The following PRH1 variants were observed in gnomAD, a reference collection of about 807,000 sequenced individuals.
PRH1 encodes proline rich protein HaeIII subfamily 1, also known as salivary acidic proline-rich phosphoprotein 1/2.
PRH1 carries 7 observed loss-of-function variants against 7.9 expected under a neutral mutation model. The observed-to-expected ratio is 0.89, with a 90% CI of 0.50 to 1.67. The LOEUF (loss-of-function observed/expected upper bound fraction) is 1.67. Among genes scored for constraint, PRH1 ranks in the 40% most tolerant of loss-of-function variants. PRH1 has a pLI of 0.00. For synonymous variants in PRH1, 45 were observed against 80.8 expected (o/e 0.56, Z 2.38); for missense variants, 109 against 223.6 (o/e 0.49, Z 3.27).
downstream of PRH1, among the ~76,000 whole-genome samples, chr12:11,118,993 C>CAAA (rs3983928): frequency 5.3e-5 from 4 of 75,576 alleles, no homozygotes; most frequent in African/African-American, 1.6e-4. Context: ...GACTCCATCT[C>CAAA]AAAAAAAAAA....
Position 10,882,494 on chromosome 12 carries a change from TGC to T in PRH1, c.303_304del (p.Gln102ThrfsTer88). 28 of 1,289,538 alleles carry T rather than the reference TGC, an allele frequency of 2.2e-5. No homozygotes were observed. The highest frequency in any genetic ancestry group is 9.1e-5 in the East Asian group (2 of 21,904). The allele number at this position is 1,289,538 out of a possible 1,614,324, so 79.9% of individuals were successfully genotyped here. On this transcript the variant is annotated frameshift_variant, in exon 3 of 4. Coordinates refer to ENST00000543626, the MANE Select transcript of PRH1 (RefSeq NM_001393989.1). LOFTEE classifies it low-confidence loss of function (END_TRUNC). ...TCCCTGAGGAGGTGGTGGACCTTGT[TGC>T]TGCTGGCCTCCTTGTTGGGGTGGTC...
At chr12:10,990,941 T>A (rs959955464) in intron 1 of PRH1, among the ~76,000 whole-genome samples, 1 of 152,218 alleles carries the variant, frequency 6.6e-6, no homozygotes, top group East Asian at 1.9e-4. Flanking sequence ...AGGGAAAGGC[T>A]ATAGAAGAAA....
At chr12:11,147,175 T>A (rs185353405) in intron 1 of PRH1, among the ~76,000 whole-genome samples, 2 of 152,336 alleles carry the variant, frequency 1.3e-5, no homozygotes, top group South Asian at 2.1e-4. Context: ...AGTTTATCTA[T>A]GAACATGATA....
At chr12:10,971,973 C>T (rs748315544) in intron 2 of PRH1, among the ~76,000 whole-genome samples, 5 of 151,998 alleles carry the variant, frequency 3.3e-5, no homozygotes, top group Non-Finnish European at 5.9e-5. Flanking sequence ...GTTTCAAATT[C>T]TCATTTGATA....
chr12:11,037,866 C>T (rs1479841074), intron 1 of PRH1, among the ~76,000 whole-genome samples: 1 of 151,262 alleles, frequency 6.6e-6, no homozygotes, highest in Non-Finnish European at 1.5e-5. Flanking sequence ...ATGGCAAAAC[C>T]TTGCCTCTAA....
intron 1 of PRH1, among the ~76,000 whole-genome samples, chr12:11,033,710 C>T (rs1473079812): frequency 6.6e-6 from 1 of 152,138 alleles, no homozygotes; most frequent in African/African-American, 2.4e-5. Context: ...TTTCAACTAT[C>T]TTAGAGTTGT....
chr12:11,026,310 G>A (rs1242971426), intron 1 of PRH1, among the ~76,000 whole-genome samples: 10 of 152,152 alleles, frequency 6.6e-5, no homozygotes. Flanking sequence ...CTGCAGGCAT[G>A]AGCCATCACA....
upstream of PRH1, among the ~76,000 whole-genome samples, chr12:11,048,144 ATATG>A (rs200922758): frequency 1.5e-5 from 2 of 130,162 alleles, no homozygotes; most frequent in Non-Finnish European, 3.5e-5. Flanking sequence ...CCACACACAT[ATATG>A]TGTGTGTGTG....
intron 1 of PRH1, chr12:11,092,091 TTTGG>T: frequency 6.7e-7 from 1 of 1,501,896 alleles, no homozygotes. Context: ...GCAGTGAGAA[TTTGG>T]TCAGCAAAGG....
rs1488497828 is a variant in PRH1, at chr12:11,160,737, T to A, written n.39+10685A>T. ...ATCCTCCTGCCTCAGCCTCCAAAAGTGCTGGGATTACAGGTGTGAGCCACC... is the reference window on the plus strand; with the variant it reads ...ATCCTCCTGCCTCAGCCTCCAAAAGAGCTGGGATTACAGGTGTGAGCCACC... On this transcript the variant is annotated intron_variant and non_coding_transcript_variant, in intron 1 of 1. Coordinates refer to the PRH1 transcript ENST00000541175. 2.0e-5 allele frequency among the ~76,000 whole-genome samples: 3 copies of A among 152,046 alleles called. No individual in the cohort carries two copies. The East Asian group carries it at 5.8e-4, about 29-fold the overall frequency.
At chr12:10,985,304 C>T (rs1939558291) in intron 1 of PRH1, among the ~76,000 whole-genome samples, 1 of 151,830 alleles carries the variant, frequency 6.6e-6, no homozygotes, top group Admixed American at 6.6e-5. Flanking sequence ...TAGACATATA[C>T]AAAATGTGTT....
intron 2 of PRH1, among the ~76,000 whole-genome samples, chr12:10,913,497 T>A (rs1231286540): frequency 6.6e-6 from 1 of 152,174 alleles, no homozygotes; most frequent in African/African-American, 2.4e-5. Context: ...ATGATTACAT[T>A]AGCTTATTTT....
Position 11,139,342 on chromosome 12 carries a change from G to A in PRH1, n.40-18162C>T, listed in dbSNP as rs1340280469. Among the ~76,000 whole-genome samples, 4 of 152,126 alleles carry A rather than the reference G, an allele frequency of 2.6e-5. No homozygotes were observed. In the East Asian group the frequency reaches 5.8e-4, roughly 22 times the overall value. On this transcript the variant is annotated intron_variant and non_coding_transcript_variant, in intron 1 of 1. Coordinates refer to the PRH1 transcript ENST00000541175. ...AGCAATCCAGATACTCCCAATATAC[G>A]TCTTCTTGTTGATATTTCCCTTTTA...
chr12:10,892,083 T>C (rs1284450147), intron 2 of PRH1, among the ~76,000 whole-genome samples: 2 of 152,128 alleles, frequency 1.3e-5, no homozygotes, highest in Non-Finnish European at 2.9e-5. Flanking sequence ...TAAAAAGGCA[T>C]TCAATAGGTT....
intron 2 of PRH1, among the ~76,000 whole-genome samples, chr12:10,950,073 AAACATGTC>A (rs1950546075): frequency 6.6e-6 from 1 of 152,190 alleles, no homozygotes; most frequent in Non-Finnish European, 1.5e-5. Context: ...AATTCTTTGT[AAACATGTC>A]ACTCTGGTTT....
intron 2 of PRH1, chr12:10,930,395 G>A (rs1950187676): frequency 6.5e-7 from 1 of 1,536,978 alleles, no homozygotes; most frequent in African/African-American, 1.4e-5. Context: ...ATCCTTGTCA[G>A]GAATTGGCTA....
chr12:11,078,583 T>C (rs1435036763), intron 1 of PRH1: 4 of 133,554 alleles, frequency 3.0e-5, no homozygotes, highest in Non-Finnish European at 6.8e-5. Context: ...TAAAGCCATA[T>C]TCTTTGTCAT....
chr12:10,890,762 A>C (rs912589734), intron 2 of PRH1, among the ~76,000 whole-genome samples: 34 of 139,634 alleles, frequency 2.4e-4, no homozygotes, highest in African/African-American at 8.7e-4. Flanking sequence ...CTGTTGTCCT[A>C]GTCATTTGGG....
intron 2 of PRH1, chr12:10,938,267 C>T: frequency 6.3e-7 from 1 of 1,588,178 alleles, no homozygotes. Context: ...AGATGATTCT[C>T]TAAATTCTTT....
Sources: gnomAD v4.1 joint callset for allele counts (sites outside exome capture counted in the v4.1 genomes callset) on GRCh38, gnomAD v4.1.1 for gene constraint, MANE v1.5 for transcripts, NCBI Gene and HGNC (gene_info 2026-07-23, HGNC 2026-07-21) for gene names.